Variants in LGSN observed in about 807,000 individuals in gnomAD.
LGSN encodes lengsin, lens protein with glutamine synthetase domain, also known as lengsin.
LGSN carries 21 observed loss-of-function variants against 19.5 expected under a neutral mutation model. That is an observed-to-expected ratio of 1.07 (90% CI 0.76 to 1.55). The LOEUF is 1.55. Ranked by LOEUF, LGSN falls within the 40% of genes most tolerant of loss-of-function variation. The probability of loss-of-function intolerance (pLI) is 0.00; values close to 1 mark genes in which losing one functional copy is unlikely to be tolerated. For synonymous variants in LGSN, 257 were observed against 215.6 expected, an observed-to-expected ratio of 1.19 and a Z score of -1.68; for missense variants, 673 against 608.5, an observed-to-expected ratio of 1.11 and a Z score of -1.12.
At chr6:63,519,877 A>G in the LGSN span, among the ~76,000 whole-genome samples, 4 of 152,250 alleles carry the variant, frequency 2.6e-5, no homozygotes, top group Non-Finnish European at 5.9e-5. Flanking sequence ...TGTTCAGATT[A>G]AAGACATTTG....
At chr6:63,363,030 G>A in the LGSN span, among the ~76,000 whole-genome samples, 889 of 152,348 alleles carry the variant, frequency 5.8e-3, 1 homozygote, top group African/African-American at 0.018. Flanking sequence ...AATATTTGCC[G>A]TTCTGCAATA....
At chr6:63,285,405 A>G (rs148516037) in intron 3 of LGSN, among the ~76,000 whole-genome samples, 182 bp downstream of exon 3, 11 of 152,216 alleles carry the variant, frequency 7.2e-5, no homozygotes, top group African/African-American at 2.4e-4. Context: ...CTGAGAGTAC[A>G]TGTTTAGCTC....
At chr6:63,446,365 A>G in the LGSN span, among the ~76,000 whole-genome samples, 5 of 151,822 alleles carry the variant, frequency 3.3e-5, no homozygotes, top group Non-Finnish European at 7.4e-5. Context: ...TCTCAAACAT[A>G]CCAAGCACAT....
chr6:63,303,518 A>G (rs1007504030), intron 1 of LGSN, among the ~76,000 whole-genome samples: 2 of 152,234 alleles, frequency 1.3e-5, no homozygotes, highest in African/African-American at 4.8e-5. Flanking sequence ...GACTGATAAC[A>G]ATCAGTTCCT....
intron 1 of LGSN, among the ~76,000 whole-genome samples, chr6:63,305,634 T>C (rs1320663053): frequency 1.3e-5 from 2 of 152,234 alleles, no homozygotes; most frequent in African/African-American, 4.8e-5. Context: ...TCTTGTTCTG[T>C]CCATAAATGT....
At chr6:63,349,140 G>A in the LGSN span, among the ~76,000 whole-genome samples, 1 of 152,080 alleles carries the variant, frequency 6.6e-6, no homozygotes, top group African/African-American at 2.4e-5. Flanking sequence ...TTTAGACCTT[G>A]ATTTTCAAAG....
chr6:63,524,522 T>G, the LGSN span, among the ~76,000 whole-genome samples: 46 of 152,292 alleles, frequency 3.0e-4, no homozygotes, highest in African/African-American at 1.0e-3. Context: ...ATGTATAATT[T>G]TAATTCCTAT....
chr6:63,333,510 A>G, the LGSN span, among the ~76,000 whole-genome samples: 5 of 149,674 alleles, frequency 3.3e-5, no homozygotes, highest in Non-Finnish European at 5.9e-5. Flanking sequence ...AAAGAATGAA[A>G]GAACAAAAGA....
chr6:63,487,916 G>T, the LGSN span, among the ~76,000 whole-genome samples: 1 of 151,740 alleles, frequency 6.6e-6, no homozygotes, highest in Non-Finnish European at 1.5e-5. Context: ...AGAGATGGAG[G>T]TTGCAGTGAG....
chr6:63,333,624 C>CA, the LGSN span, among the ~76,000 whole-genome samples: 58 of 94,262 alleles, frequency 6.2e-4, no homozygotes, highest in Middle Eastern at 8.8e-3. Context: ...GGGAGGGAGG[C>CA]AAAAAAAAGA....
At chr6:63,489,757 A>T in the LGSN span, among the ~76,000 whole-genome samples, 14 of 152,148 alleles carry the variant, frequency 9.2e-5, no homozygotes, top group Admixed American at 9.2e-4. Context: ...CCCAGGCTGG[A>T]GTGCAATGGC....
chr6:63,505,613 GAA>G, the LGSN span, among the ~76,000 whole-genome samples: 4 of 101,984 alleles, frequency 3.9e-5, 2 homozygotes, highest in Non-Finnish European at 8.6e-5. Context: ...AAGAAAGAAA[GAA>G]AGAAAGAAAG....
chr6:63,293,761 C>T, intron 2 of LGSN: 2 of 456,654 alleles, frequency 4.4e-6, no homozygotes, highest in Non-Finnish European at 8.8e-6. Flanking sequence ...GAGTCCTTGT[C>T]ATCATATGAC....
chr6:63,437,861 C>T, the LGSN span, among the ~76,000 whole-genome samples: 3 of 151,988 alleles, frequency 2.0e-5, no homozygotes, highest in Non-Finnish European at 4.4e-5. Context: ...GCTCCGGAGG[C>T]GGAGGTTGCA....
intron 1 of LGSN, among the ~76,000 whole-genome samples, chr6:63,297,700 C>A (rs1768030946): frequency 6.6e-6 from 1 of 152,154 alleles, no homozygotes; most frequent in Non-Finnish European, 1.5e-5. Flanking sequence ...GACCTTTCCA[C>A]AAAGTAGCAA....
intron 2 of LGSN, among the ~76,000 whole-genome samples, chr6:63,289,934 A>G (rs1767699540): frequency 6.6e-6 from 1 of 152,156 alleles, no homozygotes; most frequent in South Asian, 2.1e-4. Flanking sequence ...TGTTTGTGCT[A>G]CCTTCTGGCC....
chr6:63,323,038 T>G (rs1769122757), upstream of LGSN, among the ~76,000 whole-genome samples: 1 of 152,216 alleles, frequency 6.6e-6, no homozygotes, highest in Non-Finnish European at 1.5e-5. Flanking sequence ...TCATTTTAAT[T>G]TAGCATTTTC....
At chr6:63,439,736 G>A in the LGSN span, among the ~76,000 whole-genome samples, 3 of 151,930 alleles carry the variant, frequency 2.0e-5, no homozygotes, top group Non-Finnish European at 4.4e-5. Flanking sequence ...CTAGTTCTTT[G>A]GAATTCCCTC....
chr6:63,281,974 A>G (rs142188401), intron 3 of LGSN, among the ~76,000 whole-genome samples: 26 of 152,252 alleles, frequency 1.7e-4, no homozygotes, highest in African/African-American at 6.3e-4. Context: ...TCTTTCGTTA[A>G]TTGCTTTGGT....
Sources: gnomAD v4.1 joint callset for allele counts (sites outside exome capture counted in the v4.1 genomes callset) on GRCh38, gnomAD v4.1.1 for gene constraint, MANE v1.5 for transcripts, NCBI Gene and HGNC (gene_info 2026-07-23, HGNC 2026-07-21) for gene names.